The following NELL2 variants were observed in gnomAD, a reference collection of about 807,000 sequenced individuals.
NELL2 encodes the protein neural EGFL like 2.
In NELL2, 41 loss-of-function variants were observed where a neutral mutation model predicts 109.6. The observed-to-expected ratio is 0.37, with a 90% CI of 0.29 to 0.49. The LOEUF is 0.49. Ranked by LOEUF, NELL2 falls within the 20% of genes least tolerant of loss-of-function variation. The pLI is 0.98. For missense variants in NELL2, 900 were observed against 1,008.3 expected, an observed-to-expected ratio of 0.89 and a Z score of 1.45; for synonymous variants, 355 against 344.7, an observed-to-expected ratio of 1.03 and a Z score of -0.33.
At chr12:44,624,833 C>T (rs999120929) in intron 13 of NELL2, among the ~76,000 whole-genome samples, 7 of 151,500 alleles carry the variant, frequency 4.6e-5, no homozygotes, top group Non-Finnish European at 1.0e-4. Flanking sequence ...CACGCGCAAT[C>T]CAAAATAATA....
chr12:44,891,485 T>C (rs565018821), intron 1 of NELL2, among the ~76,000 whole-genome samples: 1 of 152,338 alleles, frequency 6.6e-6, no homozygotes, highest in East Asian at 1.9e-4. Flanking sequence ...TCGGACCCAA[T>C]GGGGCCATGT....
chr12:44,779,788 C>T (rs1123078), intron 4 of NELL2, 29 bp from the exon 5 acceptor site: 16 of 1,613,064 alleles, frequency 9.9e-6, no homozygotes, highest in African/African-American at 6.7e-5. Context: ...AAAGAAGGAA[C>T]GTGAGTAGAC....
chr12:44,631,973 T>G (rs756762298), intron 13 of NELL2, among the ~76,000 whole-genome samples: 1 of 152,110 alleles, frequency 6.6e-6, no homozygotes, highest in Non-Finnish European at 1.5e-5. Flanking sequence ...GGATCATACA[T>G]CCTATCTAAG....
chr12:44,623,917 A>G (rs985790524), intron 13 of NELL2, among the ~76,000 whole-genome samples: 4 of 151,916 alleles, frequency 2.6e-5, no homozygotes, highest in Non-Finnish European at 1.5e-5. Flanking sequence ...GTTCTCACTC[A>G]TGAGTGAGAG....
At chr12:44,731,725 G>A (rs1243114777) in intron 9 of NELL2, among the ~76,000 whole-genome samples, 1 of 151,876 alleles carries the variant, frequency 6.6e-6, no homozygotes, top group Non-Finnish European at 1.5e-5. Context: ...CTTCAACAAA[G>A]TACTAGAACT....
intron 2 of NELL2, among the ~76,000 whole-genome samples, chr12:44,817,533 C>T (rs1943392781): frequency 1.3e-5 from 2 of 152,034 alleles, no homozygotes; most frequent in South Asian, 4.2e-4. Flanking sequence ...GAAGGGAAGG[C>T]TCAATAAGTA....
chr12:44,532,535 A>G, intron 16 of NELL2, 46 bp downstream of exon 16: 1 of 1,583,574 alleles, frequency 6.3e-7, no homozygotes, highest in Non-Finnish European at 8.6e-7. Context: ...ATATTCCTCA[A>G]GTTCAAGAGA....
At chr12:44,776,530 T>G (rs1465862395) in intron 7 of NELL2, among the ~76,000 whole-genome samples, 1 of 152,184 alleles carries the variant, frequency 6.6e-6, no homozygotes, top group Admixed American at 6.5e-5. Context: ...AAGAAACAAA[T>G]CATACACCAT....
chr12:44,805,182 C>T (rs1253348042), intron 3 of NELL2, among the ~76,000 whole-genome samples: 2 of 151,730 alleles, frequency 1.3e-5, no homozygotes, highest in East Asian at 1.9e-4. Context: ...AAAAATGTTA[C>T]TACATTAACC....
intron 3 of NELL2, among the ~76,000 whole-genome samples, chr12:44,782,206 T>C (rs1941988324): frequency 6.6e-6 from 1 of 151,772 alleles, no homozygotes; most frequent in Non-Finnish European, 1.5e-5. Context: ...ATACGAACAA[T>C]CAGTTATAAG....
chr12:44,608,955 A>G (rs898633593), intron 14 of NELL2, among the ~76,000 whole-genome samples: 1 of 150,988 alleles, frequency 6.6e-6, no homozygotes, highest in African/African-American at 2.4e-5. Context: ...ACTATGATAA[A>G]GTTTAAAGTA....
intron 1 of NELL2, among the ~76,000 whole-genome samples, chr12:44,912,817 T>A (rs182645700): frequency 1.3e-5 from 2 of 152,158 alleles, no homozygotes; most frequent in Non-Finnish European, 2.9e-5. Flanking sequence ...AGGATTCAAG[T>A]TCATCACAGT....
At chr12:44,695,305 A>T (rs1949030189) in intron 12 of NELL2, among the ~76,000 whole-genome samples, 1 of 151,806 alleles carries the variant, frequency 6.6e-6, no homozygotes, top group Non-Finnish European at 1.5e-5. Flanking sequence ...AAAAAAAAAA[A>T]AGAAGAAGCA....
chr12:44,755,149 C>A (rs1026945676), intron 9 of NELL2, among the ~76,000 whole-genome samples: 1 of 152,158 alleles, frequency 6.6e-6, no homozygotes, highest in Non-Finnish European at 1.5e-5. Flanking sequence ...CCTTTTGGCT[C>A]TCCCTGAATC....
At chr12:44,715,875 A>G (rs1369691716) in intron 9 of NELL2, among the ~76,000 whole-genome samples, 1 of 152,160 alleles carries the variant, frequency 6.6e-6, no homozygotes, top group Non-Finnish European at 1.5e-5. Context: ...CACTCTTTGG[A>G]ATTTATATAT....
chr12:44,599,965 T>G (rs902735629), intron 15 of NELL2, among the ~76,000 whole-genome samples: 7 of 144,794 alleles, frequency 4.8e-5, no homozygotes, highest in Admixed American at 3.5e-4. Context: ...ATTCCGTTTT[T>G]TTTTTTTTTT....
intron 3 of NELL2, among the ~76,000 whole-genome samples, chr12:44,790,599 C>A (rs186977405): frequency 0.013 from 1,870 of 149,174 alleles, 122 homozygotes; most frequent in Admixed American, 0.099. Context: ...ACAACAACAA[C>A]AACAAAAAAA....
chr12:44,675,441 T>C (rs1044306371), intron 12 of NELL2, among the ~76,000 whole-genome samples: 2 of 152,128 alleles, frequency 1.3e-5, no homozygotes, highest in Admixed American at 6.6e-5. Context: ...AAGTAAACAG[T>C]GTTTCTTATA....
At chr12:44,683,498 A>G (rs1244640847) in intron 12 of NELL2, among the ~76,000 whole-genome samples, 1 of 152,020 alleles carries the variant, frequency 6.6e-6, no homozygotes, top group Non-Finnish European at 1.5e-5. Context: ...GTCTTGTGCC[A>G]GTTTTCAAAG....
Sources: gnomAD v4.1 joint callset for allele counts (sites outside exome capture counted in the v4.1 genomes callset) on GRCh38, gnomAD v4.1.1 for gene constraint, MANE v1.5 for transcripts, NCBI Gene and HGNC (gene_info 2026-07-23, HGNC 2026-07-21) for gene names.